ADAMTS18: variants seen among roughly 807,000 people sequenced by gnomAD.
ADAMTS18 encodes ADAM metallopeptidase with thrombospondin type 1 motif 18.
In ADAMTS18, 157 loss-of-function variants were observed where a neutral mutation model predicts 165.9. The ratio of observed to expected loss-of-function variants is 0.95; its 90% confidence interval spans 0.83 to 1.08. The LOEUF (loss-of-function observed/expected upper bound fraction) is 1.08. Among genes scored for constraint, ADAMTS18 ranks in the 50% least tolerant of loss-of-function variants. The pLI, the probability that ADAMTS18 is intolerant of heterozygous loss-of-function variation, is 0.00. For synonymous variants in ADAMTS18, 782 were observed against 578.2 expected (o/e 1.35, Z -5.06); for missense variants, 2,040 against 1,534.0 (o/e 1.33, Z -5.51).
At chr16:77,317,961 G>A (rs1418798233) in intron 16 of ADAMTS18, among the ~76,000 whole-genome samples, 1 of 152,184 alleles carries the variant, frequency 6.6e-6, no homozygotes, top group Non-Finnish European at 1.5e-5. Context: ...TGAGATGATT[G>A]AGGACACAGC....
chr16:77,291,425 C>G lies in ADAMTS18; in HGVS notation c.3243G>C (p.Glu1081Asp), dbSNP rs754963953. The change falls in exon 21 of 23, where the codon GAG becomes GAC. Residue 1081 changes from glutamate (E) to aspartate (D), a missense_variant. Transcript: ENST00000282849. The part of the protein sequence containing the change: ...GVRKREMKCS[E>D]KGFQGKLITF... ...TTATCAGCTTTCCCTGGAAGCCCTTCTCGCTGCACTTCATCTCCCTCTTCC... is the reference window on the plus strand; with the variant it reads ...TTATCAGCTTTCCCTGGAAGCCCTTGTCGCTGCACTTCATCTCCCTCTTCC... 2 of 1,614,086 alleles carry G rather than the reference C, an allele frequency of 1.2e-6. No homozygotes were observed. Among genetic ancestry groups the G allele is most frequent in the Non-Finnish European group, 8.5e-7 (1 of 1,180,032 alleles).
chr16:77,378,736 GAAAT>G (rs1254519338), intron 3 of ADAMTS18: 8 of 151,940 alleles, frequency 5.3e-5, no homozygotes, highest in Admixed American at 5.3e-4. Context: ...AATAAAAAAA[GAAAT>G]AAAAGTGCTA....
At chr16:77,327,879 G>C (rs1470696908) in intron 12 of ADAMTS18, among the ~76,000 whole-genome samples, 1 of 152,146 alleles carries the variant, frequency 6.6e-6, no homozygotes, top group South Asian at 2.1e-4. Context: ...CTGGGGAGAA[G>C]GAACAGAAAG....
chr16:77,386,592 T>C (rs1460375149), intron 3 of ADAMTS18, among the ~76,000 whole-genome samples: 3 of 152,178 alleles, frequency 2.0e-5, no homozygotes, highest in African/African-American at 7.2e-5. Context: ...CCCTTCTGCA[T>C]CCCTCATTAT....
intron 10 of ADAMTS18, among the ~76,000 whole-genome samples, chr16:77,344,107 GTA>G (rs1172076936): frequency 5.6e-5 from 8 of 142,812 alleles, no homozygotes; most frequent in Admixed American, 5.0e-4. Context: ...GAAACCAGAT[GTA>G]TATATATATA....
chr16:77,415,308 G>C (rs986281308), intron 3 of ADAMTS18, among the ~76,000 whole-genome samples: 1 of 152,252 alleles, frequency 6.6e-6, no homozygotes, highest in Non-Finnish European at 1.5e-5. Flanking sequence ...TCATAGTTTG[G>C]ACTTTCATTT....
At chr16:77,289,624 C>G (rs2055324712) in intron 21 of ADAMTS18, among the ~76,000 whole-genome samples, 1 of 152,224 alleles carries the variant, frequency 6.6e-6, no homozygotes, top group African/African-American at 2.4e-5. Flanking sequence ...CAAATGCTAT[C>G]TATCTAGCCC....
intron 13 of ADAMTS18, among the ~76,000 whole-genome samples, chr16:77,325,494 G>A (rs2056077089): frequency 6.6e-6 from 1 of 152,040 alleles, no homozygotes; most frequent in Non-Finnish European, 1.5e-5. Context: ...TGTGTACGGT[G>A]CCTCTATGGG....
intron 15 of ADAMTS18, 55 bp from the exon 16 acceptor site, chr16:77,320,148 G>C (rs771796646): frequency 4.3e-6 from 7 of 1,609,820 alleles, no homozygotes; most frequent in Non-Finnish European, 5.9e-6. Flanking sequence ...TGGAGAAAAG[G>C]GACTAGAAAT....
intron 3 of ADAMTS18, among the ~76,000 whole-genome samples, chr16:77,408,695 G>A (rs979608036): frequency 3.3e-5 from 5 of 152,160 alleles, no homozygotes; most frequent in African/African-American, 1.2e-4. Context: ...TTATGTCTGT[G>A]GAGTGAGACA....
chr16:77,333,502 A>ACC (rs2056225199), intron 12 of ADAMTS18, among the ~76,000 whole-genome samples: 3 of 151,626 alleles, frequency 2.0e-5, no homozygotes, highest in East Asian at 3.9e-4. Context: ...CAAAAAAAAA[A>ACC]AAATAAAACA....
chr16:77,320,041 C>T lies in ADAMTS18; in HGVS notation c.2340G>A (p.Gln780=), dbSNP rs143353265. The T allele has an allele frequency of 3.3e-4, 536 of 1,614,090 alleles. No homozygotes were observed. The highest frequency in any genetic ancestry group is 4.4e-4 in the Non-Finnish European group (524 of 1,180,008). The change falls in exon 16 of 23, where the codon CAG becomes CAA. Residue 780 remains glutamine (Q), a synonymous_variant. Coordinates refer to ENST00000282849, the MANE Select transcript of ADAMTS18 (RefSeq NM_199355.4). ...IPAGARSIEI[Q]ELQVSSSYLA... is the part of the protein sequence containing the mutation. ...GGTAACTGGAGGAAACCTGCAGCTC[C>T]TGGATTTCGATGCTTCGGGCGCCAG...
chr16:77,364,135 C>G (rs1174666396), intron 5 of ADAMTS18, 53 bp downstream of exon 5: 22 of 1,608,702 alleles, frequency 1.4e-5, no homozygotes, highest in Non-Finnish European at 1.9e-5. Flanking sequence ...AAGAGAATTC[C>G]ATGACATTTA....
rs547125066 is a variant in ADAMTS18, at chr16:77,430,908, T to C, written c.495+387A>G. Among the ~76,000 whole-genome samples, 4 of 152,310 alleles carry C rather than the reference T, an allele frequency of 2.6e-5. No homozygotes were observed. In the East Asian group the frequency reaches 7.7e-4, roughly 29 times the overall value. ...CTTACCAGTGCTGCTGAATGCAATT[T>C]CGCATTGAAATACAGTTTTCCCATT... is the stretch of plus-strand genomic sequence containing the variant. On this transcript the variant is annotated intron_variant, in intron 3 of 22. Coordinates refer to ENST00000282849, the MANE Select transcript of ADAMTS18 (RefSeq NM_199355.4).
intron 10 of ADAMTS18, among the ~76,000 whole-genome samples, chr16:77,343,234 C>T (rs147228530): frequency 1.1e-4 from 17 of 152,260 alleles, no homozygotes; most frequent in South Asian, 2.1e-4. Context: ...CCACCATGTC[C>T]GGCCACTTTT....
intron 3 of ADAMTS18, among the ~76,000 whole-genome samples, chr16:77,427,168 TTC>T (rs988868892): frequency 3.9e-5 from 6 of 152,220 alleles, no homozygotes; most frequent in African/African-American, 1.2e-4. Context: ...CTCCCTGAGC[TTC>T]TGTTGTAGAC....
intron 12 of ADAMTS18, among the ~76,000 whole-genome samples, chr16:77,333,880 T>C (rs2056232082): frequency 1.0e-5 from 1 of 96,786 alleles, no homozygotes; most frequent in Non-Finnish European, 2.2e-5. Context: ...ATATATAGTA[T>C]ATTAGTATAT....
chr16:77,314,074 G>T (rs1031333338), intron 16 of ADAMTS18, among the ~76,000 whole-genome samples: 1 of 152,084 alleles, frequency 6.6e-6, no homozygotes, highest in African/African-American at 2.4e-5. Flanking sequence ...TGAGGGGGCT[G>T]GAAGAACATT....
intron 3 of ADAMTS18, among the ~76,000 whole-genome samples, chr16:77,380,552 T>G (rs2057015975): frequency 6.6e-6 from 1 of 152,224 alleles, no homozygotes; most frequent in Non-Finnish European, 1.5e-5. Context: ...CTCTATGTAC[T>G]AATAGCAAAA....
Sources: allele counts gnomAD v4.1 joint callset (sites outside exome capture counted in the v4.1 genomes callset), GRCh38; gene constraint gnomAD v4.1.1; transcripts MANE v1.5; gene names NCBI Gene and HGNC (gene_info 2026-07-23, HGNC 2026-07-21).